Variants in LARS1 observed in about 807,000 individuals in gnomAD.
LARS1 encodes the protein leucine--tRNA ligase, cytoplasmic.
LARS1 carries 100 observed loss-of-function variants against 162.8 expected under a neutral mutation model. The ratio of observed to expected loss-of-function variants is 0.61; its 90% CI spans 0.52 to 0.73. The LOEUF (loss-of-function observed/expected upper bound fraction) is 0.73, where lower values mean the gene tolerates loss of function less well. LARS1 is among the 30% of genes least tolerant of loss of function. The pLI, the probability that LARS1 is intolerant of heterozygous loss-of-function variation, is 0.00. For synonymous variants in LARS1, 457 were observed against 462.8 expected (o/e 0.99, Z 0.16); for missense variants, 1,258 against 1,408.9 (o/e 0.89, Z 1.71).
intron 31 of LARS1, among the ~76,000 whole-genome samples, chr5:146,114,785 C>G (rs919557486): frequency 6.6e-6 from 1 of 151,926 alleles, no homozygotes; most frequent in African/African-American, 2.4e-5. Flanking sequence ...GTGGCTCATG[C>G]CTTTAATCCC....
intron 1 of LARS1, among the ~76,000 whole-genome samples, chr5:146,178,369 T>C (rs1164759128): frequency 6.6e-6 from 1 of 152,090 alleles, no homozygotes; most frequent in East Asian, 1.9e-4. Context: ...ATCCCAGCAC[T>C]TTGGGAGGCC....
chr5:146,144,569 T>A (rs760131353), intron 16 of LARS1, 32 bp from the exon 17 acceptor site: 28 of 1,612,526 alleles, frequency 1.7e-5, no homozygotes, highest in Non-Finnish European at 2.0e-5. Context: ...TGTTTTTTTT[T>A]AAGTCAAAGG....
At chr5:146,171,587 T>C (rs1052331397) in intron 4 of LARS1, among the ~76,000 whole-genome samples, 1 of 152,182 alleles carries the variant, frequency 6.6e-6, no homozygotes, top group African/African-American at 2.4e-5. Flanking sequence ...ATCTTACATA[T>C]GTCATAAGTG....
In LARS1 at chr5:146,161,998, T is replaced by C. The variant is rs375465524; in HGVS notation, c.595-1512A>G. Among the ~76,000 whole-genome samples, 34 of 152,342 alleles carry C rather than the reference T, an allele frequency of 2.2e-4. No individual in the cohort carries two copies. In the East Asian group the frequency reaches 4.6e-3, roughly 21 times the overall value. ...TATCTTCAAGCTCCACTTGTAATTCTAGTTCTCTTGCAATTTCTACCACAT... is the reference window on the plus strand; with the variant it reads ...TATCTTCAAGCTCCACTTGTAATTCCAGTTCTCTTGCAATTTCTACCACAT... On this transcript the variant is annotated intron_variant, in intron 6 of 31. Coordinates refer to ENST00000394434, the MANE Select transcript of LARS1 (RefSeq NM_020117.11).
chr5:146,160,363 A>G lies in LARS1; in HGVS notation c.707+11T>C, dbSNP rs1342186721. 4 of 1,468,220 alleles carry G rather than the reference A, an allele frequency of 2.7e-6. No homozygotes were observed. The highest frequency in any genetic ancestry group is 3.7e-6 in the Non-Finnish European group (4 of 1,072,050). The allele number at this position is 1,468,220 out of a possible 1,614,324, so 90.9% of individuals were successfully genotyped here. ...TTTTTGCTTTATTATGCTCAAGTAT[A>G]ACAAACTTACCGCTTCCCAAATTTA... On this transcript the variant is annotated intron_variant, in intron 7 of 31. Coordinates refer to ENST00000394434, the MANE Select transcript of LARS1 (RefSeq NM_020117.11).
intron 4 of LARS1, among the ~76,000 whole-genome samples, chr5:146,170,495 G>C (rs1327474331): frequency 6.6e-6 from 1 of 150,910 alleles, no homozygotes; most frequent in East Asian, 1.9e-4. Flanking sequence ...GGGAAAAACA[G>C]ATGGAAAGGA....
chr5:146,115,776 A>G (rs1002442104), intron 31 of LARS1, among the ~76,000 whole-genome samples: 3 of 152,162 alleles, frequency 2.0e-5, no homozygotes. Context: ...CTGGGTTTAT[A>G]TCTCATTCGA....
rs1200169259 is a variant in LARS1, at chr5:146,126,549, A to T, written c.2881-4T>A. ...CAGGCAGTTTTCCGTTATTGGCCTA[A>T]GAAAAGGAAGGAGGGAGAGTAATGT... On this transcript the variant is annotated splice_polypyrimidine_tract_variant and splice_region_variant and intron_variant, in intron 27 of 31. Transcript: ENST00000394434. 7 of 1,594,818 alleles carry T rather than the reference A, an allele frequency of 4.4e-6. No homozygotes were observed. The highest frequency in any genetic ancestry group is 6.0e-6 in the Non-Finnish European group (7 of 1,163,050).
chr5:146,121,094 T>C (rs1260235177), intron 30 of LARS1, among the ~76,000 whole-genome samples: 1 of 152,170 alleles, frequency 6.6e-6, no homozygotes, highest in Middle Eastern at 3.2e-3. Context: ...TAAATATATT[T>C]GTATAAGGAA....
At chr5:146,147,334 G>GCT (rs1753055813) in intron 15 of LARS1, among the ~76,000 whole-genome samples, 1 of 151,740 alleles carries the variant, frequency 6.6e-6, no homozygotes, top group Admixed American at 6.6e-5. Flanking sequence ...TCAAGAAGCT[G>GCT]AAGTGGGACG....
At chr5:146,163,960 A>C (rs2126554823) in intron 6 of LARS1, among the ~76,000 whole-genome samples, 1 of 152,352 alleles carries the variant, frequency 6.6e-6, no homozygotes. Flanking sequence ...GAAACAAGCC[A>C]GTCAGTGGAG....
At chr5:146,139,872 C>CAAAAAA (rs34203668) in intron 21 of LARS1, among the ~76,000 whole-genome samples, 3 of 83,362 alleles carry the variant, frequency 3.6e-5, no homozygotes, top group East Asian at 3.5e-4. Flanking sequence ...GACTCCGTCT[C>CAAAAAA]AAAAAAAAAA....
At position 146,143,081 on chromosome 5, in the gene LARS1, C is replaced by A. The variant is rs762428409; in HGVS notation, c.1881G>T (p.Pro627=). The change falls in exon 20 of 32, where the codon CCG becomes CCT. Residue 627 remains proline (P), a synonymous_variant. Transcript: ENST00000394434. The part of the protein sequence containing the change: ...GQAESPLGIR[P]QQMTKEVWDY... Reference sequence around the variant, plus strand: ...CCCAAACTTCCTTGGTCATCTGTTGCGGTCTGTATTAAAAATAAAACAAAC... The same window carrying A: ...CCCAAACTTCCTTGGTCATCTGTTGAGGTCTGTATTAAAAATAAAACAAAC... 2.5e-6 allele frequency: 4 copies of A among 1,598,386 alleles called. No individual in the cohort carries two copies. The highest frequency in any genetic ancestry group is 2.2e-5 in the East Asian group (1 of 44,738).
At position 146,153,090 on chromosome 5, in the gene LARS1, T is replaced by A; in HGVS notation, c.1284+84A>T. 3.6e-6 allele frequency: 4 copies of A among 1,113,952 alleles called. No individual in the cohort carries two copies. The South Asian group carries it at 5.7e-5, about 16-fold the overall frequency. The allele number at this position is 1,113,952 out of a possible 1,614,324, so 69.0% of individuals were successfully genotyped here. A position where few individuals can be genotyped will look rare whatever the true frequency, so the allele number is the denominator to read the frequency against. ...TCTTTTTCATACTCCACCAATTAAT[T>A]TTGTTATAAGGAAAACATGTTAGCT... On this transcript the variant is annotated intron_variant, in intron 13 of 31. Transcript: ENST00000394434.
intron 2 of LARS1, among the ~76,000 whole-genome samples, chr5:146,175,320 C>A (rs565073957): frequency 2.0e-5 from 3 of 150,962 alleles, no homozygotes; most frequent in Non-Finnish European, 2.9e-5. Flanking sequence ...CGGAGGCAGG[C>A]GGATCATTTG....
At chr5:146,140,742 T>C (rs971646290) in intron 20 of LARS1, among the ~76,000 whole-genome samples, 3 of 152,144 alleles carry the variant, frequency 2.0e-5, no homozygotes, top group East Asian at 1.9e-4. Context: ...GAGGTGGAGG[T>C]TGCGGTAAGC....
In LARS1 at chr5:146,143,560, A is replaced by C. The variant is rs749147336; in HGVS notation, c.1739-10T>G. The C allele has an allele frequency of 6.2e-6, 10 of 1,611,934 alleles. No homozygotes were observed. In the Admixed American group the frequency reaches 6.7e-5, roughly 11 times the overall value. On this transcript the variant is annotated splice_polypyrimidine_tract_variant and intron_variant, in intron 18 of 31. Transcript: ENST00000394434. ...CAAGGCAGGTGAGTGCCTGAAAAAT[A>C]AAAAGTAACGCATGAGGAACCTGAG...
intron 21 of LARS1, 133 bp from the exon 22 acceptor site, chr5:146,135,797 T>C: frequency 3.4e-6 from 2 of 596,186 alleles, no homozygotes; most frequent in South Asian, 2.3e-5. Context: ...AAGGAAAAGA[T>C]ATTACACTAA....
In LARS1 at chr5:146,150,497, G is replaced by A. The variant is rs186471519; in HGVS notation, c.1426-798C>T. On this transcript the variant is annotated intron_variant, in intron 14 of 31. Coordinates refer to ENST00000394434, the MANE Select transcript of LARS1 (RefSeq NM_020117.11). ...TCTGAATTAGCTGGGTGTGATGGCAGGGGCCTGTAATCCCAGCTACTCAGG... is the reference window on the plus strand; with the variant it reads ...TCTGAATTAGCTGGGTGTGATGGCAAGGGCCTGTAATCCCAGCTACTCAGG... Among the ~76,000 whole-genome samples the A allele has an allele frequency of 1.2e-3, 182 of 152,226 alleles. 1 individual carries two copies. Among genetic ancestry groups the A allele is most frequent in the Admixed American group, 0.012 (181 of 15,290 alleles).
Sources: gnomAD v4.1 joint callset for allele counts (sites outside exome capture counted in the v4.1 genomes callset) on GRCh38, gnomAD v4.1.1 for gene constraint, MANE v1.5 for transcripts, NCBI Gene and HGNC (gene_info 2026-07-23, HGNC 2026-07-21) for gene names.